The following CCDC93 variants were observed in gnomAD, a reference collection of about 807,000 sequenced individuals.
CCDC93 encodes the protein coiled-coil domain-containing protein 93.
A neutral mutation model predicts 108.2 loss-of-function variants in CCDC93; 61 were observed. That is an observed-to-expected ratio of 0.56 (90% CI 0.46 to 0.70). The LOEUF (loss-of-function observed/expected upper bound fraction) is 0.70, where lower values mean the gene tolerates loss of function less well. Ranked by LOEUF, CCDC93 falls within the 30% of genes least tolerant of loss-of-function variation. The probability of loss-of-function intolerance (pLI) is 0.00; values close to 1 mark genes in which losing one functional copy is unlikely to be tolerated. For missense variants in CCDC93, 685 were observed against 764.2 expected (o/e 0.90, Z 1.22); for synonymous variants, 276 against 260.4 (o/e 1.06, Z -0.58).
intron 3 of CCDC93, among the ~76,000 whole-genome samples, chr2:118,001,910 A>T (rs1676707824): frequency 6.6e-6 from 1 of 152,174 alleles, no homozygotes; most frequent in Non-Finnish European, 1.5e-5. Flanking sequence ...AAGGGGAGAG[A>T]AAAGATACTA....
At chr2:117,977,954 T>G in intron 8 of CCDC93, 40 bp downstream of exon 8, 1 of 1,582,998 alleles carries the variant, frequency 6.3e-7, no homozygotes, top group Non-Finnish European at 8.7e-7. Flanking sequence ...GTCACTTCCA[T>G]CTCTCAAGTA....
At chr2:118,006,608 T>C (rs1373283154) in intron 3 of CCDC93, 114 bp downstream of exon 3, 2 of 692,314 alleles carry the variant, frequency 2.9e-6, no homozygotes, top group Admixed American at 2.5e-5. Flanking sequence ...ATACCTCTTG[T>C]AATAAAAGTT....
At chr2:117,985,229 T>TG (rs1441901839) in intron 7 of CCDC93, among the ~76,000 whole-genome samples, 2 of 152,020 alleles carry the variant, frequency 1.3e-5, no homozygotes, top group Non-Finnish European at 2.9e-5. Context: ...TGGTTCTCTC[T>TG]GGTACCCTAG....
chr2:118,005,305 G>A (rs1296495323), intron 3 of CCDC93, among the ~76,000 whole-genome samples: 6 of 152,134 alleles, frequency 3.9e-5, no homozygotes, highest in South Asian at 2.1e-4. Context: ...AAAAGCACAC[G>A]TGGGATCCAA....
chr2:117,966,464 G>C (rs1176755583), intron 11 of CCDC93, among the ~76,000 whole-genome samples: 2 of 152,174 alleles, frequency 1.3e-5, no homozygotes, highest in East Asian at 3.9e-4. Context: ...GCTGATAAAG[G>C]CTCCCTTTTG....
intron 12 of CCDC93, among the ~76,000 whole-genome samples, chr2:117,957,170 C>T (rs142462259): frequency 6.4e-4 from 98 of 152,222 alleles, no homozygotes; most frequent in African/African-American, 2.2e-3. Context: ...GGATTACAGG[C>T]GTGAGCCACC....
chr2:117,933,205 G>T (rs1218456697), intron 22 of CCDC93, among the ~76,000 whole-genome samples: 3 of 152,168 alleles, frequency 2.0e-5, no homozygotes, highest in Non-Finnish European at 2.9e-5. Context: ...AGAAGCTTGG[G>T]ACATGAAATG....
Position 117,984,262 on chromosome 2 carries a change from G to A in CCDC93, c.620+1707C>T, listed in dbSNP as rs115672328. ...CCTTCAGGAAATGCCCACCCTAGCC[G>A]TAGAAATTAGCAGAAGTCAGCATGA... On this transcript the variant is annotated intron_variant, in intron 7 of 23. Coordinates refer to ENST00000376300, the MANE Select transcript of CCDC93 (RefSeq NM_019044.5). 2.7e-3 allele frequency among the ~76,000 whole-genome samples: 410 copies of A among 152,224 alleles called. 4 individuals are homozygous for A. Among genetic ancestry groups the A allele is most frequent in the African/African-American group, 9.2e-3 (381 of 41,526 alleles).
At chr2:118,010,272 T>C (rs7591443) in intron 1 of CCDC93, among the ~76,000 whole-genome samples, 12,729 of 152,206 alleles carry the variant, frequency 0.084, 701 homozygotes, top group Admixed American at 0.12. Context: ...AGCATTTTGA[T>C]TTAAAATTTT....
At chr2:117,933,327 CTCTT>C (rs946475607) in intron 22 of CCDC93, among the ~76,000 whole-genome samples, 1 of 109,100 alleles carries the variant, frequency 9.2e-6, no homozygotes, top group African/African-American at 3.0e-5. Flanking sequence ...CAGGAGTTGA[CTCTT>C]TGATTTAAGC....
At chr2:117,936,678 G>GCTAA in intron 21 of CCDC93, 24 bp downstream of exon 21, 1 of 1,597,544 alleles carries the variant, frequency 6.3e-7, no homozygotes, top group Non-Finnish European at 8.6e-7. Flanking sequence ...GGTATTAGTG[G>GCTAA]GAAGGAGGAC....
At chr2:117,988,032 A>G (rs913210748) in intron 6 of CCDC93, among the ~76,000 whole-genome samples, 4 of 152,096 alleles carry the variant, frequency 2.6e-5, no homozygotes, top group African/African-American at 9.7e-5. Context: ...TCCAGAACTG[A>G]GACACTTAAG....
rs563429387 is a variant in CCDC93 at position 117,951,795 on chromosome 2, C to T, written c.1068+578G>A. On this transcript the variant is annotated intron_variant, in intron 13 of 23. Coordinates refer to ENST00000376300, the MANE Select transcript of CCDC93 (RefSeq NM_019044.5). ...TCAGCAATCACAAGTGGGAAGTGAG[C>T]AGCGACAATGCTGATGTGAAGTAGC... 11 of 578,274 alleles carry T rather than the reference C, an allele frequency of 1.9e-5. No homozygotes were observed. In the South Asian group the frequency reaches 8.6e-4, roughly 45 times the overall value. The allele number at this position is 578,274 out of a possible 1,614,324, so 35.8% of individuals were successfully genotyped here.
At chr2:117,925,636 C>A (rs1373624589) in intron 23 of CCDC93, among the ~76,000 whole-genome samples, 3 of 152,122 alleles carry the variant, frequency 2.0e-5, no homozygotes, top group African/African-American at 4.8e-5. Flanking sequence ...TCCTTAGAGA[C>A]CTACAAAGAG....
chr2:117,974,070 T>TTA (rs1008906765), intron 10 of CCDC93, 76 bp from the exon 11 acceptor site: 1 of 927,068 alleles, frequency 1.1e-6, no homozygotes, highest in Non-Finnish European at 1.7e-6. Flanking sequence ...AACACTCTAT[T>TTA]ATGTCTGAAC....
chr2:117,984,993 C>G (rs373771062), intron 7 of CCDC93, among the ~76,000 whole-genome samples: 1 of 151,980 alleles, frequency 6.6e-6, no homozygotes, highest in East Asian at 1.9e-4. Context: ...ATAGCTAGTC[C>G]TGGTGATGCC....
At chr2:117,973,680 CTCTTTA>C (rs1262588213) in intron 11 of CCDC93, among the ~76,000 whole-genome samples, 4 of 152,160 alleles carry the variant, frequency 2.6e-5, no homozygotes, top group Non-Finnish European at 1.5e-5. Context: ...GACAGGTTTT[CTCTTTA>C]TATTTACAGA....
intron 8 of CCDC93, among the ~76,000 whole-genome samples, chr2:117,976,571 A>G (rs1306565918): frequency 6.6e-6 from 1 of 152,220 alleles, no homozygotes; most frequent in Admixed American, 6.5e-5. Context: ...AATGTTTACT[A>G]TGTGTTGGAT....
chr2:117,992,866 G>A lies in CCDC93; in HGVS notation c.519+2580C>T, dbSNP rs1680519578. ...TAATTCTCTGCAACCACATTACCAA[G>A]CAGAAGTGGATTAAAAAAAAAAACC... On this transcript the variant is annotated intron_variant, in intron 6 of 23. Transcript: ENST00000376300. Among the ~76,000 whole-genome samples the A allele has an allele frequency of 2.0e-5, 3 of 151,096 alleles. No individual in the cohort carries two copies. The South Asian group carries it at 6.3e-4, about 32-fold the overall frequency.
Sources: allele counts gnomAD v4.1 joint callset (sites outside exome capture counted in the v4.1 genomes callset), GRCh38; gene constraint gnomAD v4.1.1; transcripts MANE v1.5; gene names NCBI Gene and HGNC (gene_info 2026-07-23, HGNC 2026-07-21).